Variants in LAMA4 observed in about 807,000 individuals in gnomAD.
LAMA4 encodes the protein laminin subunit alpha-4.
A neutral mutation model predicts 207.1 loss-of-function variants in LAMA4; 127 were observed. The ratio of observed to expected loss-of-function variants is 0.61; its 90% CI spans 0.53 to 0.71. LAMA4 has a LOEUF of 0.71. Among genes scored for constraint, LAMA4 ranks in the 30% least tolerant of loss-of-function variants. LAMA4 has a pLI of 0.00. For synonymous variants in LAMA4, 761 were observed against 816.0 expected (o/e 0.93, Z 1.15); for missense variants, 2,093 against 2,246.5 (o/e 0.93, Z 1.38).
At chr6:112,126,599 C>T (rs568558346) in intron 31 of LAMA4, among the ~76,000 whole-genome samples, 1 of 152,262 alleles carries the variant, frequency 6.6e-6, no homozygotes, top group Admixed American at 6.5e-5. Flanking sequence ...AAAAAGTAGT[C>T]CACATATGCT....
At chr6:112,178,443 G>A (rs544677018) in intron 9 of LAMA4, 24 of 551,610 alleles carry the variant, frequency 4.4e-5, no homozygotes, top group African/African-American at 1.9e-4. Flanking sequence ...TAATTTTTCC[G>A]TAAGTTATTG....
At chr6:112,175,622 G>A in intron 10 of LAMA4, 142 bp from the exon 11 acceptor site, 2 of 814,426 alleles carry the variant, frequency 2.5e-6, no homozygotes, top group South Asian at 2.9e-5. Context: ...GCGTGCTAGT[G>A]TTCATGCTGT....
intron 2 of LAMA4, among the ~76,000 whole-genome samples, chr6:112,231,771 T>C (rs1243220037): frequency 6.6e-6 from 1 of 152,234 alleles, no homozygotes; most frequent in Non-Finnish European, 1.5e-5. Flanking sequence ...ACAGGAAAAC[T>C]GTGGCCCATA....
At chr6:112,222,338 T>C (rs7450379) in intron 2 of LAMA4, among the ~76,000 whole-genome samples, 36,581 of 152,078 alleles carry the variant, frequency 0.24, 5,228 homozygotes, top group African/African-American at 0.4. Flanking sequence ...AAAGGCATTT[T>C]TTTCTTAGGT....
intron 2 of LAMA4, chr6:112,234,699 G>A (rs1554365451): frequency 6.6e-6 from 1 of 152,046 alleles, no homozygotes; most frequent in Non-Finnish European, 1.5e-5. Context: ...ATAACTGAAT[G>A]GAAGAGAAGA....
chr6:112,164,987 G>C (rs1159751138), intron 13 of LAMA4, among the ~76,000 whole-genome samples, 173 bp downstream of exon 13: 1 of 152,172 alleles, frequency 6.6e-6, no homozygotes, highest in Non-Finnish European at 1.5e-5. Context: ...AATTTAAGTA[G>C]TCATATGTGG....
chr6:112,251,621 A>G (rs1447131206), intron 2 of LAMA4: 4 of 152,226 alleles, frequency 2.6e-5, no homozygotes, highest in African/African-American at 9.6e-5. Flanking sequence ...CCAACCCAGT[A>G]AAGTGTTTGT....
intron 13 of LAMA4, chr6:112,162,209 G>A (rs9320398): frequency 0.63 from 95,145 of 152,116 alleles, 30,215 homozygotes; most frequent in Middle Eastern, 0.74. Context: ...GGTGGCTCAC[G>A]CCTGTAATCC....
intron 25 of LAMA4, 50 bp from the exon 26 acceptor site, chr6:112,134,659 T>G (rs1554330955): frequency 7.1e-7 from 1 of 1,410,158 alleles, no homozygotes; most frequent in Non-Finnish European, 1.0e-6. Context: ...TAATATTCAG[T>G]TCTTTGATGA....
intron 2 of LAMA4, among the ~76,000 whole-genome samples, chr6:112,245,020 C>T (rs1394751395): frequency 6.6e-6 from 1 of 152,168 alleles, no homozygotes; most frequent in African/African-American, 2.4e-5. Flanking sequence ...CAGCCCATCT[C>T]CAGATATTCA....
rs1783148848 is a variant in LAMA4 at position 112,191,998 on chromosome 6, C to A, written c.504-148G>T. On this transcript the variant is annotated intron_variant, in intron 5 of 38. Transcript: ENST00000230538. ...GCACTCTCTCATCTTCTTCATAGGA[C>A]CAGATTTCGTTTTTAAGGAACTACC... is the stretch of plus-strand genomic sequence containing the variant. 5.3e-6 allele frequency: 4 copies of A among 751,130 alleles called. No individual in the cohort carries two copies. The South Asian group carries it at 6.3e-5, about 12-fold the overall frequency. 46.5% of individuals were successfully genotyped at this position (751,130 alleles called of 1,614,324 possible). A position where few individuals can be genotyped will look rare whatever the true frequency, so the allele number is the denominator to read the frequency against.
At chr6:112,200,101 C>A (rs1554351709) in intron 5 of LAMA4, 3 of 532,844 alleles carry the variant, frequency 5.6e-6, no homozygotes, top group South Asian at 4.2e-5. Flanking sequence ...CTGCGAGCAG[C>A]TGGCAGGTGG....
chr6:112,203,463 T>C (rs993656569), intron 4 of LAMA4, among the ~76,000 whole-genome samples: 33 of 152,356 alleles, frequency 2.2e-4, no homozygotes, highest in African/African-American at 7.7e-4. Flanking sequence ...AGTAGCAATA[T>C]GAATTTCTTA....
At chr6:112,252,130 A>G (rs146746771) in intron 2 of LAMA4, among the ~76,000 whole-genome samples, 1 of 152,354 alleles carries the variant, frequency 6.6e-6, no homozygotes, top group East Asian at 1.9e-4. Flanking sequence ...GCACTATGCT[A>G]AGCACTCTAT....
intron 5 of LAMA4, among the ~76,000 whole-genome samples, chr6:112,198,178 C>A (rs1783530739): frequency 6.6e-6 from 1 of 152,030 alleles, no homozygotes; most frequent in Non-Finnish European, 1.5e-5. Flanking sequence ...TGGGCCTCAG[C>A]CCTGGATATT....
chr6:112,236,462 C>T (rs554828103), intron 2 of LAMA4: 1 of 152,220 alleles, frequency 6.6e-6, no homozygotes, highest in African/African-American at 2.4e-5. Context: ...AGTATCAACA[C>T]TATTTTCTAC....
At chr6:112,186,323 T>G (rs1195264841) in intron 8 of LAMA4, among the ~76,000 whole-genome samples, 3 of 152,258 alleles carry the variant, frequency 2.0e-5, no homozygotes, top group Admixed American at 2.0e-4. Context: ...GAGCTGGGAT[T>G]TGAATACAAG....
At chr6:112,249,425 G>C (rs779058324) in intron 2 of LAMA4, among the ~76,000 whole-genome samples, 2 of 104,734 alleles carry the variant, frequency 1.9e-5, no homozygotes, top group Non-Finnish European at 3.5e-5. Flanking sequence ...ACAGGCAATA[G>C]AGCAAGACTC....
rs145958040 is a variant in LAMA4 at position 112,186,528 on chromosome 6, A to G, written c.966+922T>C. Among the ~76,000 whole-genome samples, 88 of 152,340 alleles carry G rather than the reference A, an allele frequency of 5.8e-4. No homozygotes were observed. In the East Asian group the frequency reaches 9.4e-3, roughly 16 times the overall value. ...ATCTTAGCTATACAAGGACCTTTAT[A>G]TAGTCATCCCTTGGTAGTTGTGGGA... On this transcript the variant is annotated intron_variant, in intron 8 of 38. Transcript: ENST00000230538.
Sources: allele counts gnomAD v4.1 joint callset (sites outside exome capture counted in the v4.1 genomes callset), GRCh38; gene constraint gnomAD v4.1.1; transcripts MANE v1.5; gene names NCBI Gene and HGNC (gene_info 2026-07-23, HGNC 2026-07-21).